Variants in ROS1 observed in about 807,000 individuals in gnomAD.
ROS1 encodes proto-oncogene tyrosine-protein kinase ROS.
ROS1 carries 263 observed loss-of-function variants against 273.5 expected under a neutral mutation model. That is an observed-to-expected ratio of 0.96 (90% CI 0.87 to 1.06). The LOEUF is 1.06. Ranked by LOEUF, ROS1 falls within the 50% of genes least tolerant of loss-of-function variation. ROS1 has a pLI of 0.00. For missense variants in ROS1, 2,833 were observed against 2,751.1 expected (o/e 1.03, Z -0.67); for synonymous variants, 1,008 against 954.1 (o/e 1.06, Z -1.04).
chr6:117,309,377 A>T (rs895772458), intron 41 of ROS1, among the ~76,000 whole-genome samples: 2 of 152,198 alleles, frequency 1.3e-5, no homozygotes, highest in African/African-American at 2.4e-5. Context: ...CCATTATCTA[A>T]GAATTTCAGA....
intron 43 of ROS1, among the ~76,000 whole-genome samples, chr6:117,290,682 T>A (rs1379088112): frequency 6.6e-6 from 1 of 152,190 alleles, no homozygotes; most frequent in Non-Finnish European, 1.5e-5. Flanking sequence ...TTTACACAAA[T>A]GTTTGGATGA....
chr6:117,362,850 T>A lies in ROS1; in HGVS notation c.3119A>T (p.Glu1040Val). ...RAPETVPSAP[E>V]NPRIFILPSG... Reference sequence around the variant, plus strand: ...TGGTAATATAAATATTCTGGGGTTCTCTGGTGCTGATGGAACTGAAAAGTA... The same window carrying A: ...TGGTAATATAAATATTCTGGGGTTCACTGGTGCTGATGGAACTGAAAAGTA... Residue 1040 changes from glutamate to valine, a missense_variant, in exon 22 of 44, where the codon GAG becomes GTG. Physicochemically the swap from Glu to Val is moderately radical, Grantham distance 121. Transcript: ENST00000368507. 1.2e-6 allele frequency: 2 copies of A among 1,611,966 alleles called. No homozygotes were observed. Among genetic ancestry groups the A allele is most frequent in the South Asian group, 1.1e-5 (1 of 90,728 alleles).
chr6:117,318,410 A>G (rs1277473963), intron 37 of ROS1, among the ~76,000 whole-genome samples, 158 bp from the exon 38 acceptor site: 7 of 152,140 alleles, frequency 4.6e-5, no homozygotes, highest in African/African-American at 1.4e-4. Context: ...AAACCCTTCA[A>G]ATGTTACCTC....
rs778360386 is a variant in ROS1 at position 117,288,555 on chromosome 6, G to C, written c.6963C>G (p.Gly2321=). ...QEKQVAYCPS[G]KPEGLNYACL... ...AGGCATAGTTCAGGCCTTCAGGCTT[G>C]CCAGAAGGGCAGTAAGCCACTTGTT... The change falls in exon 44 of 44, where the codon GGC becomes GGG. Residue 2321 remains glycine, a synonymous_variant. Coordinates refer to ENST00000368507, the MANE Select transcript of ROS1 (RefSeq NM_001378902.1). The C allele has an allele frequency of 1.9e-6, 3 of 1,614,008 alleles. No homozygotes were observed. The highest frequency in any genetic ancestry group is 2.5e-6 in the Non-Finnish European group (3 of 1,180,028).
At chr6:117,320,386 A>T (rs1176383868) in intron 36 of ROS1, among the ~76,000 whole-genome samples, 4 of 152,164 alleles carry the variant, frequency 2.6e-5, no homozygotes, top group Non-Finnish European at 5.9e-5. Context: ...ACTGCAAATT[A>T]GTAATAAATG....
intron 43 of ROS1, among the ~76,000 whole-genome samples, chr6:117,300,086 C>CTTT (rs10700318): frequency 0.15 from 4,853 of 31,660 alleles, 1,307 homozygotes; most frequent in Non-Finnish European, 0.18. Flanking sequence ...CCAGGACAGG[C>CTTT]TTTTTTTTTT....
intron 1 of ROS1, among the ~76,000 whole-genome samples, chr6:117,421,894 A>C (rs1383374702): frequency 6.6e-6 from 1 of 152,196 alleles, no homozygotes; most frequent in Non-Finnish European, 1.5e-5. Context: ...AAATTTTTTA[A>C]TTAGGCTTCT....
At chr6:117,299,001 A>G (rs1774465807) in intron 43 of ROS1, among the ~76,000 whole-genome samples, 1 of 49,900 alleles carries the variant, frequency 2.0e-5, no homozygotes, top group Non-Finnish European at 4.3e-5. Flanking sequence ...AGGCAAGTAT[A>G]TATATAGAGA....
chr6:117,329,622 A>G (rs1043648748), intron 32 of ROS1, among the ~76,000 whole-genome samples, 176 bp from the exon 33 acceptor site: 12 of 152,168 alleles, frequency 7.9e-5, no homozygotes, highest in African/African-American at 2.7e-4. Context: ...GAAAAAAACC[A>G]TAATAAGTGT....
At chr6:117,364,909 A>T in intron 21 of ROS1, 151 bp downstream of exon 21, 1 of 666,096 alleles carries the variant, frequency 1.5e-6, no homozygotes, top group East Asian at 2.8e-5. Flanking sequence ...TAATGACGCT[A>T]TTCTAATCTC....
Position 117,326,296 on chromosome 6 carries a change from T to A in ROS1, c.5467A>T (p.Arg1823Ter), listed in dbSNP as rs2128581842. ...CCTAGATTATTTGCAGCTACTACTC[T>A]GAACTGAAATATTCCTTTCAGGTTT... ...SKNLKGIFQF[R>*]VVAANNLGFG... The change falls in exon 34 of 44, where the codon AGA (arginine) becomes TGA (stop). Residue 1823 changes from arginine to a stop codon, truncating the protein, a stop_gained. Transcript: ENST00000368507. LOFTEE classifies it high-confidence loss of function. 1 of 1,602,778 alleles carries A rather than the reference T, an allele frequency of 6.2e-7. No homozygotes were observed. The highest frequency in any genetic ancestry group is 1.7e-4 in the Middle Eastern group (1 of 6,048).
chr6:117,406,841 A>G (rs1774444612), intron 5 of ROS1, among the ~76,000 whole-genome samples: 1 of 152,208 alleles, frequency 6.6e-6, no homozygotes, highest in Admixed American at 6.5e-5. Context: ...AAATAATTGC[A>G]TGCTAATGGG....
chr6:117,394,382 A>G lies in ROS1; in HGVS notation c.1007-36T>C, dbSNP rs540366560. On this transcript the variant is annotated intron_variant, in intron 10 of 43. Coordinates refer to ENST00000368507, the MANE Select transcript of ROS1 (RefSeq NM_001378902.1). ...CATGCAAGTGCACACACATTATTAT[A>G]TAACAACCAGGACAAAAAACTTGTA... 3 of 1,452,904 alleles carry G rather than the reference A, an allele frequency of 2.1e-6. No homozygotes were observed. In the South Asian group the frequency reaches 4.7e-5, roughly 23 times the overall value. The allele number at this position is 1,452,904 out of a possible 1,614,324, so 90.0% of individuals were successfully genotyped here.
At chr6:117,319,434 C>G (rs113736753) in intron 37 of ROS1, among the ~76,000 whole-genome samples, 1,829 of 152,240 alleles carry the variant, frequency 0.012, 9 homozygotes, top group South Asian at 0.029. Flanking sequence ...TATTGGTACA[C>G]AGCCACACTC....
chr6:117,296,255 G>A (rs1582536398), intron 43 of ROS1, among the ~76,000 whole-genome samples: 2 of 152,168 alleles, frequency 1.3e-5, no homozygotes, highest in African/African-American at 4.8e-5. Flanking sequence ...ACAAAAATTA[G>A]CCAGGCGTGG....
At chr6:117,324,301 T>C (rs568754717) in intron 35 of ROS1, 31 bp downstream of exon 35, 2 of 996,368 alleles carry the variant, frequency 2.0e-6, no homozygotes, top group South Asian at 1.4e-5. Flanking sequence ...AAACAGTTTG[T>C]TGCCTATTTT....
At chr6:117,378,832 T>C (rs1344754104) in intron 18 of ROS1, among the ~76,000 whole-genome samples, 1 of 152,158 alleles carries the variant, frequency 6.6e-6, no homozygotes, top group South Asian at 2.1e-4. Flanking sequence ...TTAAGCAGCA[T>C]TCTCCTGAGT....
chr6:117,404,440 A>G lies in ROS1; in HGVS notation c.317-12T>C. The G allele has an allele frequency of 6.2e-7, 1 of 1,612,060 alleles. No homozygotes were observed. The highest frequency in any genetic ancestry group is 8.5e-7 in the Non-Finnish European group (1 of 1,178,862). ...TAGGTCTGCATTTTCTGGGGAAAAA[A>G]CAAGATTTCACTCACCACGCACTCC... On this transcript the variant is annotated splice_polypyrimidine_tract_variant and intron_variant, in intron 5 of 43. Transcript: ENST00000368507.
intron 21 of ROS1, among the ~76,000 whole-genome samples, chr6:117,363,581 C>T (rs2128656642): frequency 6.6e-6 from 1 of 152,224 alleles, no homozygotes; most frequent in East Asian, 1.9e-4. Context: ...TAATGTTTAA[C>T]ACTCATACTA....
Sources: gnomAD v4.1 joint callset for allele counts (sites outside exome capture counted in the v4.1 genomes callset) on GRCh38, gnomAD v4.1.1 for gene constraint, MANE v1.5 for transcripts, NCBI Gene and HGNC (gene_info 2026-07-23, HGNC 2026-07-21) for gene names.